Variants in TMC2 observed in about 807,000 individuals in gnomAD.
TMC2 encodes transmembrane channel-like protein 2.
In TMC2, 102 loss-of-function variants were observed where a neutral mutation model predicts 105.9. The ratio of observed to expected loss-of-function variants is 0.96; its 90% CI spans 0.82 to 1.14. The LOEUF is 1.14. TMC2 is among the 50% of genes most tolerant of loss of function. The pLI, the probability that TMC2 is intolerant of heterozygous loss-of-function variation, is 0.00. For missense variants in TMC2, 1,093 were observed against 1,134.3 expected, an observed-to-expected ratio of 0.96 and a Z score of 0.52; for synonymous variants, 402 against 422.8, an observed-to-expected ratio of 0.95 and a Z score of 0.60.
At chr20:2,548,673 T>C (rs2085939165) in intron 2 of TMC2, among the ~76,000 whole-genome samples, 1 of 151,798 alleles carries the variant, frequency 6.6e-6, no homozygotes, top group South Asian at 2.1e-4. Context: ...AAGAAATTAG[T>C]TAGGCATCTA....
At chr20:2,581,812 T>C (rs2086192068) in intron 7 of TMC2, among the ~76,000 whole-genome samples, 1 of 152,254 alleles carries the variant, frequency 6.6e-6, no homozygotes, top group South Asian at 2.1e-4. Context: ...GTATAATTTA[T>C]GTAAGTTTTT....
chr20:2,610,640 G>T, intron 12 of TMC2, 42 bp downstream of exon 12: 1 of 1,273,510 alleles, frequency 7.9e-7, no homozygotes, highest in Non-Finnish European at 1.0e-6. Flanking sequence ...AATTCCTGGT[G>T]CCCATAGTAT....
intron 17 of TMC2, among the ~76,000 whole-genome samples, chr20:2,631,566 A>G (rs1447732997): frequency 1.3e-5 from 2 of 152,168 alleles, no homozygotes; most frequent in African/African-American, 4.8e-5. Flanking sequence ...TTCTCTTTCA[A>G]TCTTTCAAAT....
intron 11 of TMC2, among the ~76,000 whole-genome samples, chr20:2,609,809 G>T (rs905542874): frequency 6.6e-6 from 1 of 152,070 alleles, no homozygotes; most frequent in Non-Finnish European, 1.5e-5. Context: ...CTTGCAATTT[G>T]CAGGGATTTA....
intron 19 of TMC2, among the ~76,000 whole-genome samples, chr20:2,639,865 AT>A (rs1337316182): frequency 6.6e-6 from 1 of 152,192 alleles, no homozygotes; most frequent in East Asian, 1.9e-4. Context: ...CTCTGAGATG[AT>A]CCCATTTTCC....
chr20:2,597,826 C>G (rs1045786736), intron 10 of TMC2, among the ~76,000 whole-genome samples: 4 of 152,016 alleles, frequency 2.6e-5, no homozygotes, highest in African/African-American at 9.7e-5. Context: ...ACAGAGTATC[C>G]TGGATGCTGA....
Position 2,641,176 on chromosome 20 carries a change from A to G in TMC2, c.2546A>G (p.Lys849Arg), listed in dbSNP as rs539765888. The part of the protein sequence containing the change: ...PSASQSQAMD[K>R]KAQGPGTSNS... ...GCCAGCCAAAGCCAGGCCATGGACA[A>G]GAAGGCGCAGGGCCCTGGGACCTCC... Residue 849 changes from lysine (K) to arginine (R), a missense_variant, in exon 20 of 20, where the codon AAG (lysine) becomes AGG (arginine). Transcript: ENST00000358864. 5.1e-6 allele frequency: 8 copies of G among 1,580,298 alleles called. No individual in the cohort carries two copies. In the African/African-American group the frequency reaches 8.0e-5, roughly 16 times the overall value.
At chr20:2,548,843 A>G (rs556909768) in intron 2 of TMC2, among the ~76,000 whole-genome samples, 2 of 152,312 alleles carry the variant, frequency 1.3e-5, no homozygotes, top group East Asian at 3.9e-4. Flanking sequence ...GGTATTTTGT[A>G]ACCTTCAACA....
chr20:2,607,790 G>C (rs2086404501), intron 11 of TMC2, among the ~76,000 whole-genome samples: 1 of 152,038 alleles, frequency 6.6e-6, no homozygotes, highest in East Asian at 1.9e-4. Context: ...TTATTTAATT[G>C]CTTTATCCAG....
chr20:2,636,499 C>T (rs1454456243), intron 18 of TMC2, among the ~76,000 whole-genome samples: 1 of 151,968 alleles, frequency 6.6e-6, no homozygotes, highest in African/African-American at 2.4e-5. Flanking sequence ...CACACGCACA[C>T]ACCCTAAAAT....
chr20:2,633,624 A>C (rs2086620007), intron 17 of TMC2, among the ~76,000 whole-genome samples: 1 of 152,208 alleles, frequency 6.6e-6, no homozygotes, highest in African/African-American at 2.4e-5. Context: ...ACCACTGGAT[A>C]AATCAAATAA....
intron 10 of TMC2, among the ~76,000 whole-genome samples, chr20:2,599,817 A>G (rs2086338049): frequency 6.6e-6 from 1 of 152,112 alleles, no homozygotes; most frequent in Admixed American, 6.5e-5. Context: ...GGACCTAGCA[A>G]AGCTCACATT....
At chr20:2,562,282 A>G (rs1403367749) in intron 4 of TMC2, among the ~76,000 whole-genome samples, 1 of 152,100 alleles carries the variant, frequency 6.6e-6, no homozygotes, top group Non-Finnish European at 1.5e-5. Flanking sequence ...CCCATGCCAC[A>G]CTTCATCTCG....
chr20:2,538,461 T>C (rs1038173025), intron 2 of TMC2, among the ~76,000 whole-genome samples: 2 of 151,856 alleles, frequency 1.3e-5, no homozygotes, highest in African/African-American at 4.8e-5. Context: ...CTCCCGGGGG[T>C]CGGGCCACGG....
intron 3 of TMC2, among the ~76,000 whole-genome samples, chr20:2,560,247 G>T (rs910833998): frequency 2.1e-5 from 3 of 142,052 alleles, no homozygotes; most frequent in Non-Finnish European, 3.0e-5. Context: ...ATCATCAATT[G>T]GGTGTGCATG....
chr20:2,582,754 G>T (rs955816036), intron 7 of TMC2, among the ~76,000 whole-genome samples: 20 of 152,200 alleles, frequency 1.3e-4, no homozygotes, highest in African/African-American at 4.3e-4. Context: ...GGGATTACAG[G>T]CATGAGCCAC....
Position 2,592,633 on chromosome 20 carries a change from T to C in TMC2, c.933+225T>C, listed in dbSNP as rs2086277699. Among the ~76,000 whole-genome samples, 1 of 152,194 alleles carries C rather than the reference T, an allele frequency of 6.6e-6. No individual in the cohort carries two copies. Among genetic ancestry groups the C allele is most frequent in the Non-Finnish European group, 1.5e-5 (1 of 68,024 alleles). On this transcript the variant is annotated intron_variant, in intron 8 of 19. Coordinates refer to ENST00000358864, the MANE Select transcript of TMC2 (RefSeq NM_080751.3). This position sits in a 1 kb window ranked among gnomAD's most constrained non-coding sequence, Gnocchi z 4.9. ...CACTCTGACAGATGTGGGCTCCCCA[T>C]GCAGCCACTGCACCTCTCTGTCTGC...
intron 16 of TMC2, among the ~76,000 whole-genome samples, chr20:2,621,653 G>C (rs2086526070): frequency 6.6e-6 from 1 of 152,154 alleles, no homozygotes; most frequent in Non-Finnish European, 1.5e-5. Context: ...TGGGCAACGA[G>C]CAAGACTCTG....
rs865834246 is a variant in TMC2, at chr20:2,549,548, G to T, written c.83-8908G>T. Among the ~76,000 whole-genome samples the T allele has an allele frequency of 4.6e-5, 7 of 152,218 alleles. No individual in the cohort carries two copies. In the East Asian group the frequency reaches 5.8e-4, roughly 13 times the overall value. On this transcript the variant is annotated intron_variant, in intron 2 of 19. Transcript: ENST00000358864. ...ACTTGAGGTCAGGAGTTTGAGACCA[G>T]CCTGGCCAACACGGTGAAACCCTGT...
Sources: gnomAD v4.1 joint callset for allele counts (sites outside exome capture counted in the v4.1 genomes callset) on GRCh38, gnomAD v4.1.1 for gene constraint, Gnocchi (gnomAD v3.1) non-coding constraint, MANE v1.5 for transcripts, NCBI Gene and HGNC (gene_info 2026-07-23, HGNC 2026-07-21) for gene names.